The following VSNL1 variants were observed in gnomAD, a reference collection of about 807,000 sequenced individuals.
The protein encoded by VSNL1 is visinin-like protein 1.
VSNL1 carries 6 observed loss-of-function variants against 20.4 expected under a neutral mutation model. The observed-to-expected ratio is 0.29, with a 90% CI of 0.16 to 0.58. VSNL1 has a LOEUF of 0.58. Ranked by LOEUF, VSNL1 falls within the 20% of genes least tolerant of loss-of-function variation. The pLI, the probability that VSNL1 is intolerant of heterozygous loss-of-function variation, is 0.90. For missense variants in VSNL1, 100 were observed against 234.5 expected (o/e 0.43, Z 3.75); for synonymous variants, 93 against 86.4 (o/e 1.08, Z -0.42).
At chr2:17,591,110 CTACT>C (rs1327319265) in intron 1 of VSNL1, among the ~76,000 whole-genome samples, 1 of 151,682 alleles carries the variant, frequency 6.6e-6, no homozygotes, top group Non-Finnish European at 1.5e-5. Flanking sequence ...CTTTGTTTAC[CTACT>C]TACTTGTTAA....
At chr2:17,589,940 G>A (rs62132093) in intron 1 of VSNL1, among the ~76,000 whole-genome samples, 8,155 of 149,296 alleles carry the variant, frequency 0.055, 254 homozygotes, top group East Asian at 0.091. Context: ...AAGCCTCCCT[G>A]CTTTCGCTCT....
chr2:17,605,338 C>A (rs982836403), intron 2 of VSNL1, among the ~76,000 whole-genome samples: 1 of 152,152 alleles, frequency 6.6e-6, no homozygotes, highest in African/African-American at 2.4e-5. Context: ...TCCATGTGAA[C>A]CAGCCTTCCC....
chr2:17,598,602 T>C lies in VSNL1; in HGVS notation c.162+6366T>C, dbSNP rs749655125. On this transcript the variant is annotated intron_variant, in intron 2 of 3. Transcript: ENST00000295156. ...ACTAATCTAGGTCTTAACCTGGAAG[T>C]ATGTTTAAATAGGCTTCAGGAGTTC... Among the ~76,000 whole-genome samples, 221 of 152,236 alleles carry C rather than the reference T, an allele frequency of 1.5e-3. 8 individuals are homozygous for C. Among genetic ancestry groups the C allele is most frequent in the Non-Finnish European group, 3.7e-4 (25 of 68,034 alleles).
intron 1 of VSNL1, among the ~76,000 whole-genome samples, chr2:17,562,470 T>G (rs752149086): frequency 2.6e-5 from 4 of 152,196 alleles, no homozygotes; most frequent in Non-Finnish European, 5.9e-5. Context: ...TTTTAAGAAT[T>G]TCACATTCTT....
At chr2:17,631,184 T>C (rs763401315) in intron 2 of VSNL1, among the ~76,000 whole-genome samples, 2 of 151,902 alleles carry the variant, frequency 1.3e-5, no homozygotes, top group Non-Finnish European at 2.9e-5. Flanking sequence ...TATTCAAAGG[T>C]AAATGAGAGA....
chr2:17,622,507 AAAGAAAGAAAG>A (rs1558303491), intron 2 of VSNL1, among the ~76,000 whole-genome samples: 6 of 106,634 alleles, frequency 5.6e-5, no homozygotes, highest in Non-Finnish European at 1.2e-4. Context: ...CAAAAAAAAA[AAAGAAAGAAAG>A]AAAAGAAAGA....
At chr2:17,603,452 A>G (rs1266761144) in intron 2 of VSNL1, among the ~76,000 whole-genome samples, 1 of 152,214 alleles carries the variant, frequency 6.6e-6, no homozygotes, top group East Asian at 1.9e-4. Flanking sequence ...TCTCCTAAGA[A>G]CATCACCTTG....
intron 1 of VSNL1, among the ~76,000 whole-genome samples, chr2:17,547,315 C>G (rs1663426258): frequency 6.6e-6 from 1 of 151,976 alleles, no homozygotes; most frequent in Admixed American, 6.6e-5. Context: ...TGAAAATGTA[C>G]AATAAATAAT....
chr2:17,649,673 C>G lies in VSNL1; in HGVS notation c.378+48C>G. On this transcript the variant is annotated intron_variant, in intron 3 of 3. Coordinates refer to ENST00000295156, the MANE Select transcript of VSNL1 (RefSeq NM_003385.5). This position sits in a 1 kb window ranked among gnomAD's most constrained non-coding sequence, Gnocchi z 6.4. ...CGGGTGGTGGGCACAGAAGGAGACC[C>G]CACGGCAGCCTCCTAGGTGCAGGCC... The G allele has an allele frequency of 6.3e-7, 1 of 1,578,702 alleles. No individual in the cohort carries two copies.
At chr2:17,616,393 G>A (rs990456937) in intron 2 of VSNL1, among the ~76,000 whole-genome samples, 1 of 152,208 alleles carries the variant, frequency 6.6e-6, no homozygotes, top group East Asian at 1.9e-4. Flanking sequence ...GCTCCAATCG[G>A]TGACTTTCTT....
At chr2:17,562,835 G>A (rs1663850949) in intron 1 of VSNL1, among the ~76,000 whole-genome samples, 1 of 152,176 alleles carries the variant, frequency 6.6e-6, no homozygotes, top group African/African-American at 2.4e-5. Context: ...CACTATTGAT[G>A]AATGATCTGG....
At chr2:17,619,363 T>C (rs1665293742) in intron 2 of VSNL1, among the ~76,000 whole-genome samples, 1 of 152,122 alleles carries the variant, frequency 6.6e-6, no homozygotes, top group African/African-American at 2.4e-5. Flanking sequence ...TAATTTTTCT[T>C]GGAGATTGAG....
chr2:17,541,560 GATTTTGA>G (rs1663285468), intron 1 of VSNL1: 2 of 152,186 alleles, frequency 1.3e-5, no homozygotes, highest in African/African-American at 2.4e-5. Context: ...CTGCACTGTC[GATTTTGA>G]ACGGAGTCAC....
intron 1 of VSNL1, among the ~76,000 whole-genome samples, chr2:17,556,261 C>T (rs1258713330): frequency 1.3e-5 from 2 of 152,162 alleles, no homozygotes; most frequent in African/African-American, 4.8e-5. Context: ...CGTTTATGAA[C>T]CCCTGCTTTT....
chr2:17,631,992 T>C (rs778974903), intron 2 of VSNL1, among the ~76,000 whole-genome samples: 46 of 152,108 alleles, frequency 3.0e-4, no homozygotes, highest in Non-Finnish European at 5.7e-4. Flanking sequence ...GTTCAAGTAA[T>C]TCTCCTTCCT....
intron 1 of VSNL1, among the ~76,000 whole-genome samples, chr2:17,551,825 A>G (rs909193879): frequency 6.6e-6 from 1 of 150,998 alleles, no homozygotes; most frequent in Admixed American, 6.6e-5. Context: ...TCTCTAGGCT[A>G]GGTCTCAAGA....
At chr2:17,617,222 G>A (rs1247232117) in intron 2 of VSNL1, among the ~76,000 whole-genome samples, 2 of 152,150 alleles carry the variant, frequency 1.3e-5, no homozygotes, top group Non-Finnish European at 2.9e-5. Context: ...GGTCCCAGGC[G>A]AGGTGGCTCA....
chr2:17,622,359 A>G (rs972897082), intron 2 of VSNL1, among the ~76,000 whole-genome samples: 3 of 151,680 alleles, frequency 2.0e-5, no homozygotes, highest in African/African-American at 7.3e-5. Flanking sequence ...TTAGCCAGGC[A>G]TGGTGGCGGG....
chr2:17,603,068 CT>C (rs1664868056), intron 2 of VSNL1, among the ~76,000 whole-genome samples: 1 of 152,178 alleles, frequency 6.6e-6, no homozygotes. Context: ...GTATAAATAA[CT>C]TCACTGAAGA....
Sources: allele counts gnomAD v4.1 joint callset (sites outside exome capture counted in the v4.1 genomes callset), GRCh38; gene constraint gnomAD v4.1.1; non-coding constraint Gnocchi (gnomAD v3.1); transcripts MANE v1.5; gene names NCBI Gene and HGNC (gene_info 2026-07-23, HGNC 2026-07-21).